The following ALPK1 variants were observed in gnomAD, a reference collection of about 807,000 sequenced individuals.
ALPK1 encodes alpha-protein kinase 1.
A neutral mutation model predicts 120.6 loss-of-function variants in ALPK1; 110 were observed. That is an observed-to-expected ratio of 0.91 (90% CI 0.78 to 1.07). ALPK1 has a LOEUF of 1.07. Ranked by LOEUF, ALPK1 falls within the 50% of genes least tolerant of loss-of-function variation. The pLI, the probability that ALPK1 is intolerant of heterozygous loss-of-function variation, is 0.00. For missense variants in ALPK1, 1,498 were observed against 1,483.9 expected, an observed-to-expected ratio of 1.01 and a Z score of -0.16; for synonymous variants, 582 against 560.3, an observed-to-expected ratio of 1.04 and a Z score of -0.55.
At chr4:112,339,248 A>G (rs1244917435) in intron 2 of ALPK1, among the ~76,000 whole-genome samples, 5 of 152,220 alleles carry the variant, frequency 3.3e-5, no homozygotes, top group African/African-American at 1.2e-4. Context: ...GTAAAAGCAA[A>G]AAGGGATAAT....
At chr4:112,357,213 A>C in intron 2 of ALPK1, 2 of 1,548,770 alleles carry the variant, frequency 1.3e-6, no homozygotes, top group Non-Finnish European at 8.8e-7. Context: ...TTTCAGACCA[A>C]GGGCTGCATC....
chr4:112,430,392 G>C, intron 10 of ALPK1, 56 bp from the exon 11 acceptor site: 2 of 1,451,160 alleles, frequency 1.4e-6, no homozygotes, highest in Non-Finnish European at 1.9e-6. Context: ...AGTTTGTCCT[G>C]ATTCACTTGC....
intron 8 of ALPK1, among the ~76,000 whole-genome samples, chr4:112,427,156 T>C (rs189250452): frequency 6.6e-6 from 1 of 152,326 alleles, no homozygotes; most frequent in Non-Finnish European, 1.5e-5. Flanking sequence ...CAAGTTAGTA[T>C]TGATCATCCA....
chr4:112,396,732 A>G (rs1179171334), intron 4 of ALPK1, among the ~76,000 whole-genome samples: 2 of 151,600 alleles, frequency 1.3e-5, no homozygotes, highest in Non-Finnish European at 2.9e-5. Flanking sequence ...CCTTACATGT[A>G]CTCCTCTGTA....
intron 2 of ALPK1, chr4:112,359,571 G>T: frequency 4.1e-6 from 1 of 244,416 alleles, no homozygotes; most frequent in Non-Finnish European, 8.2e-6. Flanking sequence ...GCTCACCCAC[G>T]GGGCTTCCCA....
chr4:112,411,997 T>C lies in ALPK1; in HGVS notation c.447T>C (p.Ile149=). 6.2e-7 allele frequency: 1 copy of C among 1,614,128 alleles called. No homozygotes were observed. ...CGCCAATTGCCCCGCAGGTGGTTAT[T>C]CGCCAAGCCCGAATCTCCGTGAACT... ...PATPIAPQVV[I]RQARISVNSG... The change falls in exon 5 of 16, where the codon ATT becomes ATC. Residue 149 remains isoleucine (I), a synonymous_variant. Transcript: ENST00000650871.
intron 4 of ALPK1, among the ~76,000 whole-genome samples, chr4:112,394,701 T>C (rs1289392993): frequency 6.6e-6 from 1 of 152,194 alleles, no homozygotes; most frequent in East Asian, 1.9e-4. Context: ...TGCCACAGAA[T>C]CAGGCATGCA....
chr4:112,358,689 G>A, intron 2 of ALPK1: 1 of 737,518 alleles, frequency 1.4e-6, no homozygotes, highest in South Asian at 1.4e-5. Flanking sequence ...TAAGAGGCTG[G>A]CAGAGGAGCC....
chr4:112,341,818 C>T (rs1729875130), intron 2 of ALPK1, among the ~76,000 whole-genome samples: 1 of 152,090 alleles, frequency 6.6e-6, no homozygotes, highest in Admixed American at 6.5e-5. Context: ...GATATCGGTG[C>T]CAAGAGAATA....
In ALPK1 at chr4:112,412,055, G is replaced by C. The variant is rs569057284; in HGVS notation, c.475+30G>C. 4.3e-6 allele frequency: 7 copies of C among 1,610,812 alleles called. No homozygotes were observed. The South Asian group carries it at 4.4e-5, about 10-fold the overall frequency. On this transcript the variant is annotated intron_variant, in intron 5 of 15. Transcript: ENST00000650871. ...GCTCCCTCCTGCTGGCCGCCCCCGC[G>C]TCCTCAGTGTCTTCTGGTCCCCTTC...
chr4:112,429,372 C>A, intron 10 of ALPK1, 119 bp downstream of exon 10: 1 of 778,794 alleles, frequency 1.3e-6, no homozygotes, highest in Non-Finnish European at 2.0e-6. Context: ...TCATCAGTGG[C>A]AATTGTGATA....
At chr4:112,357,147 G>T in intron 2 of ALPK1, 2 of 1,410,314 alleles carry the variant, frequency 1.4e-6, no homozygotes, top group Non-Finnish European at 2.0e-6. Flanking sequence ...GATGACAGCG[G>T]TGTCACCAAG....
chr4:112,404,356 C>T (rs937144991), intron 4 of ALPK1, among the ~76,000 whole-genome samples: 2 of 152,116 alleles, frequency 1.3e-5, no homozygotes, highest in African/African-American at 4.8e-5. Flanking sequence ...TTATTAAGCA[C>T]CCACAATCTA....
chr4:112,328,400 C>T (rs935135941), intron 2 of ALPK1, among the ~76,000 whole-genome samples: 3 of 152,218 alleles, frequency 2.0e-5, no homozygotes, highest in African/African-American at 7.2e-5. Flanking sequence ...GAAATGCATA[C>T]GTAACACTAC....
chr4:112,411,915 A>T lies in ALPK1; in HGVS notation c.365A>T (p.Asp122Val), dbSNP rs768936763. The change falls in exon 5 of 16, where the codon GAC becomes GTC. Residue 122 changes from aspartate (D) to valine (V), a missense_variant. Physicochemically the swap from Asp to Val is radical, Grantham distance 152 (BLOSUM62 -3). Coordinates refer to ENST00000650871, the MANE Select transcript of ALPK1 (RefSeq NM_025144.4). Reference sequence around the variant, plus strand: ...GTGGACCGGTTCCTGTATGGGCTCGACGTCTCTGGAAAACTTCTGCAGGTC... The same window carrying T: ...GTGGACCGGTTCCTGTATGGGCTCGTCGTCTCTGGAAAACTTCTGCAGGTC... ...FLVDRFLYGL[D>V]VSGKLLQVAK... 6.2e-7 allele frequency: 1 copy of T among 1,613,824 alleles called. No homozygotes were observed. Among genetic ancestry groups the T allele is most frequent in the South Asian group, 1.1e-5 (1 of 91,044 alleles).
rs1211321474 is a variant in ALPK1, at chr4:112,431,470, G to A, written c.1923G>A (p.Leu641=). The change falls in exon 11 of 16, where the codon TTG becomes TTA. Residue 641 remains leucine, a synonymous_variant. Coordinates refer to ENST00000650871, the MANE Select transcript of ALPK1 (RefSeq NM_025144.4). ...NDREGRAMHS[L]HSQLHDLSLQ... Reference sequence around the variant, plus strand: ...GGGAAGGCAGAGCTATGCATTCATTGCATTCACAGCTTCATGATCTCTCTC... The same window carrying A: ...GGGAAGGCAGAGCTATGCATTCATTACATTCACAGCTTCATGATCTCTCTC... 1.2e-6 allele frequency: 2 copies of A among 1,614,068 alleles called. No homozygotes were observed. Among genetic ancestry groups the A allele is most frequent in the African/African-American group, 2.7e-5 (2 of 74,930 alleles).
At chr4:112,392,668 AG>A (rs1413901009) in intron 4 of ALPK1, among the ~76,000 whole-genome samples, 1 of 152,340 alleles carries the variant, frequency 6.6e-6, no homozygotes, top group East Asian at 1.9e-4. Flanking sequence ...CTGGGACTAC[AG>A]GTGCATGTCA....
intron 2 of ALPK1, chr4:112,359,913 G>C (rs966177058): frequency 2.7e-5 from 5 of 185,008 alleles, no homozygotes; most frequent in Non-Finnish European, 5.7e-5. Context: ...GAATAGGCCA[G>C]AGAACACTTA....
intron 2 of ALPK1, chr4:112,316,187 A>T (rs1479610435): frequency 6.6e-6 from 1 of 152,208 alleles, no homozygotes; most frequent in Non-Finnish European, 1.5e-5. Context: ...TCCAGTAAAG[A>T]ATAACTCCCA....
Sources: allele counts gnomAD v4.1 joint callset (sites outside exome capture counted in the v4.1 genomes callset), GRCh38; gene constraint gnomAD v4.1.1; transcripts MANE v1.5; gene names NCBI Gene and HGNC (gene_info 2026-07-23, HGNC 2026-07-21).